USP10: variants seen among roughly 807,000 people sequenced by gnomAD.
USP10 encodes the protein ubiquitin specific peptidase 10.
In USP10, 22 loss-of-function variants were observed where a neutral mutation model predicts 84.5. The observed-to-expected ratio is 0.26, with a 90% CI of 0.19 to 0.37. The LOEUF (loss-of-function observed/expected upper bound fraction) is 0.37, where lower values mean the gene tolerates loss of function less well. USP10 is among the 10% of genes least tolerant of loss of function. USP10 has a pLI of 1.00. For synonymous variants in USP10, 454 were observed against 387.6 expected (o/e 1.17, Z -2.01); for missense variants, 1,019 against 998.9 (o/e 1.02, Z -0.27).
intron 8 of USP10, among the ~76,000 whole-genome samples, chr16:84,761,121 T>C (rs766958060): frequency 3.3e-5 from 5 of 152,120 alleles, no homozygotes; most frequent in Non-Finnish European, 4.4e-5. Flanking sequence ...AACATGGTGT[T>C]AGGGATGCAG....
intron 12 of USP10, among the ~76,000 whole-genome samples, chr16:84,774,918 A>G (rs1914838075): frequency 6.6e-6 from 1 of 152,142 alleles, no homozygotes; most frequent in Non-Finnish European, 1.5e-5. Context: ...CAGGAGCATC[A>G]CAGCCTCGGC....
At chr16:84,745,718 C>T in intron 4 of USP10, 45 bp downstream of exon 4, 1 of 1,545,986 alleles carries the variant, frequency 6.5e-7, no homozygotes, top group Non-Finnish European at 8.8e-7. Context: ...TGGGAGCAGA[C>T]CTCATCAACT....
At chr16:84,757,482 G>A (rs1912722138) in intron 4 of USP10, among the ~76,000 whole-genome samples, 1 of 151,076 alleles carries the variant, frequency 6.6e-6, no homozygotes, top group African/African-American at 2.4e-5. Context: ...CATTTGATTA[G>A]TGCCGAAGTC....
chr16:84,742,396 C>T (rs1227377283), intron 3 of USP10, among the ~76,000 whole-genome samples: 1 of 152,208 alleles, frequency 6.6e-6, no homozygotes, highest in African/African-American at 2.4e-5. Flanking sequence ...TGTTTTCATT[C>T]TCAGTTGTTT....
chr16:84,759,459 A>G lies in USP10; in HGVS notation c.1381A>G (p.Met461Val), dbSNP rs759267173. The change falls in exon 6 of 14, where the codon ATG becomes GTG. Residue 461 changes from methionine (M) to valine (V), a missense_variant. By Grantham distance (21) the Met-to-Val change is conservative. This residue lies in a region of USP10 where 787 missense variants were observed against 708.8 expected (regional missense o/e 1.11). Coordinates refer to ENST00000219473, the MANE Select transcript of USP10 (RefSeq NM_005153.3). ...KVQRPCTSTP[M>V]IDSFVRLMNE... ...GCAAAGGCCTTGTACGTCAACACCC[A>G]TGATAGACAGCTTGTAAGTAAGGTG... The G allele has an allele frequency of 3.7e-6, 6 of 1,613,942 alleles. No homozygotes were observed. Among genetic ancestry groups the G allele is most frequent in the South Asian group, 1.1e-5 (1 of 91,090 alleles).
chr16:84,704,301 T>C (rs1424220507), intron 1 of USP10, among the ~76,000 whole-genome samples: 1 of 152,236 alleles, frequency 6.6e-6, no homozygotes, highest in East Asian at 1.9e-4. Context: ...ATATGAAACG[T>C]AGTGGGAAGA....
At chr16:84,711,677 C>T (rs1275129263) in intron 1 of USP10, among the ~76,000 whole-genome samples, 3 of 148,368 alleles carry the variant, frequency 2.0e-5, no homozygotes, top group East Asian at 4.0e-4. Flanking sequence ...AGAAACTTTT[C>T]TTCCACCTAT....
intron 3 of USP10, 103 bp from the exon 4 acceptor site, chr16:84,744,530 G>A: frequency 1.8e-6 from 2 of 1,084,716 alleles, no homozygotes; most frequent in Non-Finnish European, 2.6e-6. Flanking sequence ...TGTTGATTAG[G>A]AAGAGAACTT....
rs776383913 is a variant in USP10, at chr16:84,778,981, G to C, written c.2296G>C (p.Asp766His). ...CGGTCTGAATGGCTGGCTGCGCATCGATGACCAGACAGTCAAGGTGATCAA... is the reference window on the plus strand; with the variant it reads ...CGGTCTGAATGGCTGGCTGCGCATCCATGACCAGACAGTCAAGGTGATCAA... Reference protein sequence around the residue: ...QIGLNGWLRIDDQTVKVINQY... With the variant: ...QIGLNGWLRIHDQTVKVINQY... The change falls in exon 14 of 14, where the codon GAT (aspartate) becomes CAT (histidine). Residue 766 changes from aspartate to histidine, a missense_variant. Physicochemically the swap from Asp to His is moderately conservative, Grantham distance 81. Coordinates refer to ENST00000219473, the MANE Select transcript of USP10 (RefSeq NM_005153.3). The C allele has an allele frequency of 6.2e-7, 1 of 1,614,008 alleles. No homozygotes were observed. The highest frequency in any genetic ancestry group is 1.1e-5 in the South Asian group (1 of 91,082).
At chr16:84,747,554 A>ATT (rs71151244) in intron 4 of USP10, among the ~76,000 whole-genome samples, 7,512 of 73,028 alleles carry the variant, frequency 0.1, 2,092 homozygotes, top group Non-Finnish European at 0.11. Context: ...AAGCCAGGTG[A>ATT]TTTTTTTTTT....
intron 3 of USP10, among the ~76,000 whole-genome samples, chr16:84,742,291 CCT>C (rs1205604524): frequency 6.6e-6 from 1 of 152,176 alleles, no homozygotes; most frequent in African/African-American, 2.4e-5. Flanking sequence ...GTTCCACTGA[CCT>C]CTCTAGTTTC....
chr16:84,710,194 C>T lies in USP10; in HGVS notation c.21+10083C>T, dbSNP rs572701948. Among the ~76,000 whole-genome samples the T allele has an allele frequency of 2.2e-3, 335 of 151,392 alleles. 2 individuals carry two copies. The highest frequency in any genetic ancestry group is 7.5e-3 in the African/African-American group (308 of 41,164). The stretch of plus-strand genomic sequence containing the variant: ...CTTAGGCAAGAGAATCGCTTGAACC[C>T]GGGAGGCAGAGGTTGCAGTGAGCCA... On this transcript the variant is annotated intron_variant, in intron 1 of 13. Coordinates refer to ENST00000219473, the MANE Select transcript of USP10 (RefSeq NM_005153.3).
intron 2 of USP10, among the ~76,000 whole-genome samples, chr16:84,739,079 G>A (rs1295084427): frequency 8.6e-6 from 1 of 116,446 alleles, no homozygotes; most frequent in South Asian, 2.9e-4. Flanking sequence ...TTTTTTTTGA[G>A]ACAGAGTCTT....
chr16:84,745,694 A>C, intron 4 of USP10, 21 bp downstream of exon 4: 1 of 1,585,574 alleles, frequency 6.3e-7, no homozygotes, highest in Non-Finnish European at 8.6e-7. Flanking sequence ...AAAGATACAA[A>C]TCTAGAGTGA....
At chr16:84,737,860 A>G (rs1027844461) in intron 2 of USP10, among the ~76,000 whole-genome samples, 4 of 152,148 alleles carry the variant, frequency 2.6e-5, no homozygotes, top group African/African-American at 9.7e-5. Flanking sequence ...ACCTGGTGTC[A>G]CTGGTCCAGC....
In USP10 at chr16:84,768,536, A is replaced by G. The variant is rs142741955; in HGVS notation, c.1998+178A>G. ...ATGAAATGGTTGAAACGTGATCCCA[A>G]GGGCCTCTTTTAGCTCTAAATCATA... On this transcript the variant is annotated intron_variant, in intron 11 of 13. Transcript: ENST00000219473. Among the ~76,000 whole-genome samples, 525 of 152,308 alleles carry G rather than the reference A, an allele frequency of 3.4e-3. 4 individuals are homozygous for G. The highest frequency in any genetic ancestry group is 0.014 in the Middle Eastern group (4 of 294).
At chr16:84,735,958 G>T (rs905564378) in intron 2 of USP10, among the ~76,000 whole-genome samples, 2 of 130,362 alleles carry the variant, frequency 1.5e-5, no homozygotes, top group Non-Finnish European at 3.2e-5. Flanking sequence ...GGCGGCATGT[G>T]GTTGGGCCTG....
chr16:84,726,879 C>T (rs756651985), intron 1 of USP10, among the ~76,000 whole-genome samples: 4 of 152,222 alleles, frequency 2.6e-5, no homozygotes, highest in Admixed American at 6.5e-5. Flanking sequence ...CCACAGGACG[C>T]GGGAAAGGAG....
intron 4 of USP10, among the ~76,000 whole-genome samples, chr16:84,749,555 C>A (rs1911656392): frequency 6.7e-6 from 1 of 149,826 alleles, no homozygotes; most frequent in African/African-American, 2.5e-5. Flanking sequence ...GCCTGGGCAA[C>A]ATACTGAGAC....
Sources: gnomAD v4.1 joint callset for allele counts (sites outside exome capture counted in the v4.1 genomes callset) on GRCh38, gnomAD v4.1.1 for gene constraint, gnomAD v4.1.1 regional missense constraint, MANE v1.5 for transcripts, NCBI Gene and HGNC (gene_info 2026-07-23, HGNC 2026-07-21) for gene names.